Variants in APOL5 observed in about 807,000 individuals in gnomAD.
APOL5 encodes the protein apolipoprotein L, 5.
Under a neutral mutation model 35.5 loss-of-function variants are expected in APOL5, and 29 were observed. The observed-to-expected ratio is 0.82, with a 90% CI of 0.61 to 1.11. The LOEUF (loss-of-function observed/expected upper bound fraction) is 1.11, where lower values mean the gene tolerates loss of function less well. APOL5 is among the 50% of genes most tolerant of loss of function. The pLI is 0.00. For synonymous variants in APOL5, 188 were observed against 200.2 expected (o/e 0.94, Z 0.51); for missense variants, 514 against 530.4 (o/e 0.97, Z 0.30).
chr22:35,726,408 G>C lies in APOL5; in HGVS notation c.340G>C (p.Glu114Gln). The part of the protein sequence containing the change: ...SYFPLHKFEL[E>Q]QNIKELNTLA... ...TTTTCCTTTGCACAAGTTTGAGCTA[G>C]AACAGAACATCAAAGAACTTAACAC... The change falls in exon 3 of 5, where the codon GAA becomes CAA. Residue 114 changes from glutamate (E) to glutamine (Q), a missense_variant. By Grantham distance (29) the Glu-to-Gln change is conservative. Transcript: ENST00000249044. The C allele has an allele frequency of 6.2e-7, 1 of 1,614,160 alleles. No individual in the cohort carries two copies. Among genetic ancestry groups the C allele is most frequent in the African/African-American group, 1.3e-5 (1 of 75,052 alleles).
chr22:35,712,051 G>C, the APOL5 span, among the ~76,000 whole-genome samples: 3 of 152,042 alleles, frequency 2.0e-5, no homozygotes, highest in African/African-American at 7.2e-5. Context: ...CTGTCACCCA[G>C]GCTGGAGTGC....
chr22:35,714,289 A>G (rs1970777), upstream of APOL5, among the ~76,000 whole-genome samples: 108,682 of 151,986 alleles, frequency 0.72, 39,494 homozygotes, highest in African/African-American at 0.83. Flanking sequence ...TCCAGCCTGG[A>G]TGACAGAGCA....
chr22:35,720,517 C>T (rs550141392), intron 1 of APOL5, 51 bp from the exon 2 acceptor site: 48 of 1,550,266 alleles, frequency 3.1e-5, no homozygotes, highest in East Asian at 1.6e-4. Context: ...TATGTCTTTT[C>T]GGGCTGAGAT....
In APOL5 at chr22:35,727,173, TC is replaced by T; in HGVS notation, c.1108del (p.Arg370ValfsTer29). 1 of 1,602,210 alleles carries T rather than the reference TC, an allele frequency of 6.2e-7. No homozygotes were observed. Among genetic ancestry groups the T allele is most frequent in the Non-Finnish European group, 8.5e-7 (1 of 1,179,100 alleles). On this transcript the variant is annotated frameshift_variant, in exon 3 of 5. Coordinates refer to ENST00000249044, the MANE Select transcript of APOL5 (RefSeq NM_030642.1). LOFTEE classifies it high-confidence loss of function. ...CTCCCGGGGCAGGGCTGTTCGAGGA[TC>T]CCGTGTGGTTAAACCAGAAGGTAGG... ...SSSRGRAVRG[S>X]RVVKPEGSRS...
chr22:35,709,427 A>G, the APOL5 span, among the ~76,000 whole-genome samples: 1 of 152,082 alleles, frequency 6.6e-6, no homozygotes, highest in African/African-American at 2.4e-5. Context: ...TGGCTATTGT[A>G]GGCGCCAGTC....
intron 1 of APOL5, among the ~76,000 whole-genome samples, 185 bp from the exon 2 acceptor site, chr22:35,720,383 T>G (rs1010954974): frequency 2.0e-5 from 3 of 152,260 alleles, no homozygotes; most frequent in Non-Finnish European, 4.4e-5. Context: ...CATGGTTTGT[T>G]TGTTTAAAAT....
intron 2 of APOL5, among the ~76,000 whole-genome samples, chr22:35,723,481 G>A (rs1305264924): frequency 6.6e-6 from 1 of 152,168 alleles, no homozygotes; most frequent in Non-Finnish European, 1.5e-5. Context: ...TGATTCAACA[G>A]GAAAATTGAA....
Position 35,720,560 on chromosome 22 carries a change from A to C in APOL5, c.56-8A>C. The C allele has an allele frequency of 6.2e-7, 1 of 1,613,730 alleles. No homozygotes were observed. Among genetic ancestry groups the C allele is most frequent in the Non-Finnish European group, 8.5e-7 (1 of 1,179,778 alleles). ...GAAGAAATGTCCCTGATCCTTGTCC[A>C]TCTCCAGGCTTGGGAGAAGGTTGTA... On this transcript the variant is annotated splice_polypyrimidine_tract_variant and splice_region_variant and intron_variant, in intron 1 of 4. Transcript: ENST00000249044.
chr22:35,717,817 A>AG (rs1166531717), upstream of APOL5: 45 of 1,299,432 alleles, frequency 3.5e-5, no homozygotes, highest in African/African-American at 6.5e-4. Context: ...GGCATGGAGA[A>AG]GGGAGTCATA....
intron 2 of APOL5, among the ~76,000 whole-genome samples, chr22:35,725,106 G>T (rs765294643): frequency 4.6e-5 from 7 of 152,136 alleles, no homozygotes; most frequent in Non-Finnish European, 1.0e-4. Context: ...AGCCCAGTGG[G>T]TTCATTTTGC....
upstream of APOL5, among the ~76,000 whole-genome samples, chr22:35,713,636 C>T (rs2145991623): frequency 6.6e-6 from 1 of 152,340 alleles, no homozygotes; most frequent in South Asian, 2.1e-4. Context: ...GGAGGGGAAG[C>T]TGCCTCTCTT....
At chr22:35,719,317 G>C (rs1449254921) in intron 1 of APOL5, among the ~76,000 whole-genome samples, 1 of 152,146 alleles carries the variant, frequency 6.6e-6, no homozygotes, top group Non-Finnish European at 1.5e-5. Flanking sequence ...ATGTGAGAGA[G>C]AGTGTCTGAA....
upstream of APOL5, among the ~76,000 whole-genome samples, chr22:35,714,233 A>G (rs1279633722): frequency 6.6e-6 from 1 of 152,096 alleles, no homozygotes; most frequent in Non-Finnish European, 1.5e-5. Flanking sequence ...AATCGCTTGA[A>G]CCTGGGCGGC....
intron 1 of APOL5, among the ~76,000 whole-genome samples, chr22:35,720,271 G>A (rs1926919441): frequency 1.3e-5 from 2 of 152,212 alleles, no homozygotes; most frequent in African/African-American, 2.4e-5. Context: ...TATCATTAAC[G>A]TATAACGTCA....
chr22:35,726,918 ACT>A lies in APOL5; in HGVS notation c.853_854del (p.Leu285GlyfsTer49), dbSNP rs761121709. On this transcript the variant is annotated frameshift_variant, in exon 3 of 5. Coordinates refer to ENST00000249044, the MANE Select transcript of APOL5 (RefSeq NM_030642.1). LOFTEE classifies it high-confidence loss of function. ...RGVQRAFEGT[T>X]LAMTNGAWVM... ...GGTGCAGAGAGCCTTTGAGGGCACA[ACT>A]CTGGCCATGACCAATGGTGCCTGGG... 23 of 1,614,120 alleles carry A rather than the reference ACT, an allele frequency of 1.4e-5. No homozygotes were observed. Among genetic ancestry groups the A allele is most frequent in the Non-Finnish European group, 1.9e-5 (23 of 1,180,006 alleles).
chr22:35,720,151 C>T (rs1031493778), intron 1 of APOL5, among the ~76,000 whole-genome samples: 1 of 152,204 alleles, frequency 6.6e-6, no homozygotes, highest in African/African-American at 2.4e-5. Context: ...CATTTGGGAG[C>T]GAAAGCAGAA....
chr22:35,715,670 T>C (rs77318127), upstream of APOL5, among the ~76,000 whole-genome samples: 913 of 152,202 alleles, frequency 6.0e-3, 9 homozygotes, highest in African/African-American at 0.021. Flanking sequence ...TATACATACA[T>C]ACATAAAAAA....
At chr22:35,712,641 G>T in the APOL5 span, among the ~76,000 whole-genome samples, 13 of 152,294 alleles carry the variant, frequency 8.5e-5, no homozygotes, top group South Asian at 2.1e-4. Context: ...AAAATTGGGG[G>T]TTTTTTGTTA....
At chr22:35,727,340 G>C (rs1028129997) in intron 3 of APOL5, 146 bp downstream of exon 3, 16 of 1,216,458 alleles carry the variant, frequency 1.3e-5, no homozygotes, top group Non-Finnish European at 1.8e-5. Context: ...GCACACCCCT[G>C]ACATTAACTA....
Sources: gnomAD v4.1 joint callset for allele counts (sites outside exome capture counted in the v4.1 genomes callset) on GRCh38, gnomAD v4.1.1 for gene constraint, MANE v1.5 for transcripts, NCBI Gene and HGNC (gene_info 2026-07-23, HGNC 2026-07-21) for gene names.